Variants in DPP10 observed in about 807,000 individuals in gnomAD.
The protein encoded by DPP10 is inactive dipeptidyl peptidase 10.
DPP10 carries 33 observed loss-of-function variants against 120.9 expected under a neutral mutation model. That is an observed-to-expected ratio of 0.27 (90% confidence interval 0.21 to 0.37). The LOEUF (loss-of-function observed/expected upper bound fraction) is 0.37, where lower values mean the gene tolerates loss of function less well. Among genes scored for constraint, DPP10 ranks in the 10% least tolerant of loss-of-function variants. DPP10 has a pLI of 1.00. For missense variants in DPP10, 816 were observed against 942.8 expected (o/e 0.87, Z 1.76); for synonymous variants, 337 against 326.1 (o/e 1.03, Z -0.36).
intron 1 of DPP10, among the ~76,000 whole-genome samples, chr2:115,214,518 C>T (rs1464954932): frequency 6.6e-6 from 1 of 151,942 alleles, no homozygotes; most frequent in African/African-American, 2.4e-5. Flanking sequence ...GTACTTCAGC[C>T]GATGTTGAGA....
At chr2:115,314,191 A>G (rs148881898) in intron 2 of DPP10, among the ~76,000 whole-genome samples, 4 of 152,338 alleles carry the variant, frequency 2.6e-5, no homozygotes, top group South Asian at 2.1e-4. Flanking sequence ...GATACAGGAT[A>G]GTCATCAGGC....
At chr2:115,074,687 C>A (rs895820845) in intron 1 of DPP10, among the ~76,000 whole-genome samples, 1 of 152,010 alleles carries the variant, frequency 6.6e-6, no homozygotes, top group Non-Finnish European at 1.5e-5. Flanking sequence ...TGAGGGTTGT[C>A]CGGGGAAAGA....
intron 5 of DPP10, among the ~76,000 whole-genome samples, chr2:115,642,174 C>T (rs370694577): frequency 2.2e-4 from 34 of 151,786 alleles, no homozygotes; most frequent in African/African-American, 6.5e-4. Flanking sequence ...TGAGACAATG[C>T]CTCATACATA....
At chr2:115,384,471 A>G (rs145140242) in intron 3 of DPP10, among the ~76,000 whole-genome samples, 1 of 13,958 alleles carries the variant, frequency 7.2e-5, no homozygotes, top group Non-Finnish European at 2.3e-4. Context: ...AGAAGAAGGA[A>G]GAAGAAGGAA....
At chr2:114,473,209 G>T (rs1303057048) in intron 1 of DPP10, among the ~76,000 whole-genome samples, 1 of 152,096 alleles carries the variant, frequency 6.6e-6, no homozygotes, top group Non-Finnish European at 1.5e-5. Context: ...AACAATAGAA[G>T]GCATTTAAGA....
chr2:115,052,066 C>A (rs1705531582), intron 1 of DPP10, among the ~76,000 whole-genome samples: 1 of 152,036 alleles, frequency 6.6e-6, no homozygotes, highest in African/African-American at 2.4e-5. Flanking sequence ...GTGCTGAGAC[C>A]ACTCAGTAAA....
intron 1 of DPP10, among the ~76,000 whole-genome samples, chr2:115,197,750 A>T (rs2055389627): frequency 6.6e-6 from 1 of 152,170 alleles, no homozygotes; most frequent in Non-Finnish European, 1.5e-5. Context: ...TTTGCATCCC[A>T]TTTGGATGAA....
chr2:115,351,306 T>C (rs1407253501), intron 3 of DPP10, among the ~76,000 whole-genome samples: 1 of 151,998 alleles, frequency 6.6e-6, no homozygotes, highest in Non-Finnish European at 1.5e-5. Context: ...CACTTATAAG[T>C]GGGAGCTAAA....
chr2:115,281,409 A>G (rs2060152346), intron 1 of DPP10, among the ~76,000 whole-genome samples: 1 of 152,156 alleles, frequency 6.6e-6, no homozygotes, highest in Non-Finnish European at 1.5e-5. Flanking sequence ...CAGACATGAA[A>G]GCTTCACAGA....
At chr2:115,311,474 A>G (rs1458956111) in intron 2 of DPP10, among the ~76,000 whole-genome samples, 1 of 152,192 alleles carries the variant, frequency 6.6e-6, no homozygotes, top group Non-Finnish European at 1.5e-5. Context: ...TGTGACTTCA[A>G]TTTTAGTTAT....
chr2:115,328,232 TCA>T (rs2062481126), intron 2 of DPP10, among the ~76,000 whole-genome samples: 1 of 152,076 alleles, frequency 6.6e-6, no homozygotes, highest in African/African-American at 2.4e-5. Context: ...TGTGTATGTA[TCA>T]CAGTGTGTAA....
At chr2:115,825,563 C>T (rs1688223133) in intron 21 of DPP10, among the ~76,000 whole-genome samples, 1 of 152,102 alleles carries the variant, frequency 6.6e-6, no homozygotes, top group South Asian at 2.1e-4. Context: ...TTGGAATTCC[C>T]TCTCCCTCTG....
chr2:115,771,848 G>T (rs545156876), intron 13 of DPP10, among the ~76,000 whole-genome samples: 1 of 152,244 alleles, frequency 6.6e-6, no homozygotes, highest in East Asian at 1.9e-4. Context: ...CTTACTAAAT[G>T]AAATTACTAA....
At chr2:115,339,998 C>T (rs1286895258) in intron 2 of DPP10, among the ~76,000 whole-genome samples, 4 of 152,072 alleles carry the variant, frequency 2.6e-5, no homozygotes, top group Non-Finnish European at 4.4e-5. Flanking sequence ...AGTTTCTTTT[C>T]GTGATATTAT....
chr2:115,528,145 T>C (rs542550372), intron 5 of DPP10, among the ~76,000 whole-genome samples: 152 of 152,084 alleles, frequency 1.0e-3, no homozygotes, highest in African/African-American at 3.4e-3. Context: ...ATTGCCACAC[T>C]GTCTTCCACA....
chr2:115,079,015 C>T (rs1217002344), intron 1 of DPP10, among the ~76,000 whole-genome samples: 1 of 152,162 alleles, frequency 6.6e-6, no homozygotes, highest in Non-Finnish European at 1.5e-5. Flanking sequence ...AATAATTTAA[C>T]ATTCACACAC....
intron 1 of DPP10, among the ~76,000 whole-genome samples, chr2:114,699,546 C>T (rs978781428): frequency 2.0e-5 from 3 of 152,048 alleles, no homozygotes; most frequent in Non-Finnish European, 2.9e-5. Context: ...GCTCTTGGCC[C>T]ATATCTAAGT....
At chr2:115,320,986 A>C (rs1037217675) in intron 2 of DPP10, among the ~76,000 whole-genome samples, 1 of 152,130 alleles carries the variant, frequency 6.6e-6, no homozygotes, top group South Asian at 2.1e-4. Context: ...ATTTTGCTAT[A>C]TATAGAATTT....
rs70937287 is a variant in DPP10, at chr2:114,536,408, C to CTTTTTTTTT, written c.60+93577_60+93585dup. ...TCCTTCTTTCTTTCTTTTTCTTTTT[C>CTTTTTTTTT]TTTTTTTTTTTTTTTGAGACGTAGT... On this transcript the variant is annotated intron_variant, in intron 1 of 25. Transcript: ENST00000410059. Among the ~76,000 whole-genome samples, 75 of 128,724 alleles carry CTTTTTTTTT rather than the reference C, an allele frequency of 5.8e-4. 2 individuals are homozygous for CTTTTTTTTT. The highest frequency in any genetic ancestry group is 8.8e-4 in the Non-Finnish European group (55 of 62,582). The allele number at this position is 128,724 out of a possible 152,430, so 84.4% of individuals were successfully genotyped here. A position where few individuals can be genotyped will look rare whatever the true frequency, so the allele number is the denominator to read the frequency against.
Sources: allele counts gnomAD v4.1 joint callset (sites outside exome capture counted in the v4.1 genomes callset), GRCh38; gene constraint gnomAD v4.1.1; transcripts MANE v1.5; gene names NCBI Gene and HGNC (gene_info 2026-07-23, HGNC 2026-07-21).